Variants in ATP9A observed in about 807,000 individuals in gnomAD.
The protein encoded by ATP9A is probable phospholipid-transporting ATPase IIA.
A neutral mutation model predicts 144.1 loss-of-function variants in ATP9A; 52 were observed. The observed-to-expected ratio is 0.36, with a 90% CI of 0.29 to 0.45. ATP9A has a LOEUF of 0.45. Among genes scored for constraint, ATP9A ranks in the 20% least tolerant of loss-of-function variants. The pLI is 1.00. For missense variants in ATP9A, 947 were observed against 1,392.7 expected (o/e 0.68, Z 5.09); for synonymous variants, 582 against 557.4 (o/e 1.04, Z -0.62).
intron 1 of ATP9A, among the ~76,000 whole-genome samples, chr20:51,757,567 C>A (rs1270212209): frequency 1.3e-5 from 2 of 151,758 alleles, no homozygotes; most frequent in African/African-American, 4.9e-5. Flanking sequence ...AGGGCCTCTT[C>A]CAACTGTCTT....
intron 27 of ATP9A, among the ~76,000 whole-genome samples, chr20:51,602,819 G>C (rs1010131819): frequency 6.6e-6 from 1 of 152,008 alleles, no homozygotes; most frequent in Non-Finnish European, 1.5e-5. Flanking sequence ...TCTCCTAATT[G>C]ACCACCTCCA....
chr20:51,713,281 T>G (rs965382068), intron 3 of ATP9A, among the ~76,000 whole-genome samples: 2 of 152,086 alleles, frequency 1.3e-5, no homozygotes, highest in African/African-American at 4.8e-5. Flanking sequence ...AAACACAACC[T>G]GTAGAAACAC....
At chr20:51,634,828 C>T (rs147030285) in intron 15 of ATP9A, among the ~76,000 whole-genome samples, 3 of 75,062 alleles carry the variant, frequency 4.0e-5, no homozygotes, top group Non-Finnish European at 9.0e-5. Flanking sequence ...GCACTCCAGT[C>T]TGGGAAACAA....
At chr20:51,645,875 G>A (rs140119395) in intron 14 of ATP9A, among the ~76,000 whole-genome samples, 2 of 152,304 alleles carry the variant, frequency 1.3e-5, no homozygotes, top group African/African-American at 4.8e-5. Context: ...AAATCACCCC[G>A]TAACACACAA....
At chr20:51,726,051 C>T (rs918225488) in intron 2 of ATP9A, 119 bp from the exon 3 acceptor site, 9 of 677,198 alleles carry the variant, frequency 1.3e-5, no homozygotes, top group Admixed American at 9.9e-5. Flanking sequence ...TGGTGGTTCA[C>T]GCCTATAATC....
At chr20:51,682,311 C>G (rs1390505518) in intron 9 of ATP9A, among the ~76,000 whole-genome samples, 1 of 152,114 alleles carries the variant, frequency 6.6e-6, no homozygotes, top group Non-Finnish European at 1.5e-5. Context: ...TACGTACTAT[C>G]CTTCCACAGA....
intron 9 of ATP9A, among the ~76,000 whole-genome samples, chr20:51,678,149 A>AGGGGGGGGGGGGGGG (rs2077484950): frequency 1.1e-5 from 1 of 91,880 alleles, no homozygotes; most frequent in African/African-American, 5.3e-5. Context: ...GGAAGGGGGC[A>AGGGGGGGGGGGGGGG]GTGGGGGGCA....
intron 13 of ATP9A, among the ~76,000 whole-genome samples, chr20:51,661,510 GCAC>G (rs1201360536): frequency 7.0e-6 from 1 of 143,150 alleles, no homozygotes; most frequent in Non-Finnish European, 1.5e-5. Flanking sequence ...CCACAGGCGT[GCAC>G]CACCATGCCC....
In ATP9A at chr20:51,599,430, T is replaced by G. The variant is rs2122698002; in HGVS notation, c.*1781A>C. On this transcript the variant is annotated 3_prime_UTR_variant, in exon 28 of 28. Transcript: ENST00000338821. ...AGATTTGCTCAATCTTTCTGAAATT[T>G]TTGGACAAAGATCCTATCCTTAACT... 6.6e-6 allele frequency: 1 copy of G among 152,352 alleles called. No individual in the cohort carries two copies. The highest frequency in any genetic ancestry group is 2.1e-4 in the South Asian group (1 of 4,828). 9.4% of individuals were successfully genotyped at this position (152,352 alleles called of 1,614,324 possible).
chr20:51,760,113 C>T (rs1300129987), intron 1 of ATP9A, among the ~76,000 whole-genome samples: 2 of 152,112 alleles, frequency 1.3e-5, no homozygotes, highest in East Asian at 3.9e-4. Flanking sequence ...AATGGCCCCT[C>T]AGCACAGTGC....
intron 22 of ATP9A, among the ~76,000 whole-genome samples, chr20:51,614,206 T>C (rs929557965): frequency 3.3e-5 from 5 of 152,228 alleles, no homozygotes; most frequent in Non-Finnish European, 7.3e-5. Flanking sequence ...CAATATTAGA[T>C]AGGATATTCC....
At chr20:51,656,874 T>C in intron 14 of ATP9A, 64 bp downstream of exon 14, 1 of 1,489,618 alleles carries the variant, frequency 6.7e-7, no homozygotes, top group Non-Finnish European at 9.2e-7. Context: ...AGAAAACGCC[T>C]AATTCCAGCA....
intron 14 of ATP9A, among the ~76,000 whole-genome samples, chr20:51,652,891 G>A (rs1180746843): frequency 6.6e-6 from 1 of 151,916 alleles, no homozygotes; most frequent in Non-Finnish European, 1.5e-5. Flanking sequence ...GGCGGATCAC[G>A]AGGTCAGGAG....
intron 1 of ATP9A, among the ~76,000 whole-genome samples, chr20:51,753,665 T>TC (rs1403861399): frequency 7.2e-6 from 1 of 138,776 alleles, no homozygotes; most frequent in Non-Finnish European, 1.6e-5. Context: ...TCTTTTTCTT[T>TC]CTTTTTTTTT....
chr20:51,755,519 T>G (rs2077852006), intron 1 of ATP9A, among the ~76,000 whole-genome samples: 1 of 152,166 alleles, frequency 6.6e-6, no homozygotes, highest in Non-Finnish European at 1.5e-5. Flanking sequence ...ATACCAAGTG[T>G]TGATGAGGAC....
At chr20:51,759,798 C>T (rs1207577856) in intron 1 of ATP9A, among the ~76,000 whole-genome samples, 1 of 152,160 alleles carries the variant, frequency 6.6e-6, no homozygotes, top group Non-Finnish European at 1.5e-5. Flanking sequence ...CACACCCACC[C>T]CACTATATAC....
chr20:51,669,972 T>C (rs757985501), intron 13 of ATP9A, 25 bp downstream of exon 13: 14 of 1,541,660 alleles, frequency 9.1e-6, no homozygotes, highest in African/African-American at 2.7e-5. Context: ...AGAATTGTTT[T>C]GGGTGTTGAA....
rs116509567 is a variant in ATP9A at position 51,657,222 on chromosome 20, T to C, written c.1294-72A>G. 1,586 of 1,276,898 alleles carry C rather than the reference T, an allele frequency of 1.2e-3. 13 individuals carry two copies. In the African/African-American group the frequency reaches 0.019, roughly 16 times the overall value. The allele number at this position is 1,276,898 out of a possible 1,614,324, so 79.1% of individuals were successfully genotyped here. A position where few individuals can be genotyped will look rare whatever the true frequency, so the allele number is the denominator to read the frequency against. ...GATTTGGAGAGTGGAAGAACAGCCG[T>C]GCAGCTATTGTTTCTTTTTTCTACT... On this transcript the variant is annotated intron_variant, in intron 13 of 27. Coordinates refer to ENST00000338821, the MANE Select transcript of ATP9A (RefSeq NM_006045.3).
At chr20:51,661,533 T>G (rs1392387202) in intron 13 of ATP9A, among the ~76,000 whole-genome samples, 2 of 47,134 alleles carry the variant, frequency 4.2e-5, no homozygotes, top group Admixed American at 2.8e-4. Flanking sequence ...CAGCTTTTTT[T>G]TTTTTTTTTT....
Sources: gnomAD v4.1 joint callset for allele counts (sites outside exome capture counted in the v4.1 genomes callset) on GRCh38, gnomAD v4.1.1 for gene constraint, MANE v1.5 for transcripts, NCBI Gene and HGNC (gene_info 2026-07-23, HGNC 2026-07-21) for gene names.